Variants in VRTN observed in about 807,000 individuals in gnomAD.
VRTN encodes the protein vertebrae development associated.
Under a neutral mutation model 18.2 loss-of-function variants are expected in VRTN, and 5 were observed. The observed-to-expected ratio is 0.27, with a 90% CI of 0.14 to 0.58. The LOEUF (loss-of-function observed/expected upper bound fraction) is 0.58, where lower values mean the gene tolerates loss of function less well. Ranked by LOEUF, VRTN falls within the 20% of genes least tolerant of loss-of-function variation. The pLI is 0.91. For synonymous variants in VRTN, 381 were observed against 393.7 expected, an observed-to-expected ratio of 0.97 and a Z score of 0.38; for missense variants, 741 against 939.4, an observed-to-expected ratio of 0.79 and a Z score of 2.76.
In VRTN at chr14:74,358,204, C is replaced by A; in HGVS notation, c.1421C>A (p.Pro474His). The change falls in exon 2 of 2, where the codon CCT (proline) becomes CAT (histidine). Residue 474 changes from proline (P) to histidine (H), a missense_variant. Pro to His is a moderately conservative substitution (Grantham distance 77). Coordinates refer to ENST00000256362, the MANE Select transcript of VRTN (RefSeq NM_018228.3). The surrounding 1 kb of genome is among the most constrained non-coding windows in gnomAD (Gnocchi z 5.4). ...LASVGEGAVI[P>H]WKSEAEEGAG... ...TCTGTTGGGGAAGGGGCTGTAATTC[C>A]TTGGAAGAGTGAGGCGGAAGAGGGG... 1 of 1,613,276 alleles carries A rather than the reference C, an allele frequency of 6.2e-7. No individual in the cohort carries two copies. The highest frequency in any genetic ancestry group is 8.5e-7 in the Non-Finnish European group (1 of 1,179,612).
intron 1 of VRTN, among the ~76,000 whole-genome samples, chr14:74,320,421 G>C (rs2085446756): frequency 2.0e-5 from 3 of 146,716 alleles, no homozygotes; most frequent in Non-Finnish European, 4.5e-5. Flanking sequence ...CCGCCACCAC[G>C]CCGGCTAAAT....
At chr14:74,315,675 T>C (rs1373579075) in intron 1 of VRTN, among the ~76,000 whole-genome samples, 1 of 152,080 alleles carries the variant, frequency 6.6e-6, no homozygotes, top group African/African-American at 2.4e-5. Context: ...CAAAACAATA[T>C]TAAATATAAA....
At chr14:74,352,283 ATTC>A (rs2085691543) in intron 1 of VRTN, among the ~76,000 whole-genome samples, 2 of 151,848 alleles carry the variant, frequency 1.3e-5, no homozygotes, top group Admixed American at 1.3e-4. Flanking sequence ...GGTTCAACCA[ATTC>A]TTCTGCCTCG....
intron 1 of VRTN, among the ~76,000 whole-genome samples, chr14:74,314,344 C>T (rs534373156): frequency 6.7e-6 from 1 of 149,504 alleles, no homozygotes; most frequent in Admixed American, 6.7e-5. Context: ...TTGTATGTGA[C>T]GTGGGAGCCT....
chr14:74,307,569 A>G (rs1396110080), intron 1 of VRTN, among the ~76,000 whole-genome samples: 1 of 152,172 alleles, frequency 6.6e-6, no homozygotes, highest in African/African-American at 2.4e-5. Flanking sequence ...TATTACACCA[A>G]TACTAAACTT....
At chr14:74,313,630 C>T (rs963325983) in intron 1 of VRTN, among the ~76,000 whole-genome samples, 3 of 152,182 alleles carry the variant, frequency 2.0e-5, no homozygotes, top group African/African-American at 2.4e-5. Flanking sequence ...CCATCTTGGC[C>T]TCTTTCCACC....
Position 74,358,329 on chromosome 14 carries a change from C to T in VRTN, c.1546C>T (p.Arg516Cys), listed in dbSNP as rs1013823696. ...GCAGAGGCGTCTGCGCAGGGCTGCC[C>T]GCAGGCAGGTGCTGAGTGGGCATCT... ...RWQRRLRRAA[R>C]RQVLSGHLPF... Residue 516 changes from arginine (R) to cysteine (C), a missense_variant, in exon 2 of 2, where the codon CGC (arginine) becomes TGC (cysteine). This residue lies in a region of VRTN where 494 missense variants were observed against 546.5 expected (regional missense o/e 0.90). Coordinates refer to ENST00000256362, the MANE Select transcript of VRTN (RefSeq NM_018228.3). The surrounding 1 kb of genome is among the most constrained non-coding windows in gnomAD (Gnocchi z 5.4). The T allele has an allele frequency of 8.7e-6, 14 of 1,612,966 alleles. No individual in the cohort carries two copies. Among genetic ancestry groups the T allele is most frequent in the East Asian group, 6.7e-5 (3 of 44,886 alleles).
In VRTN at chr14:74,357,255, G is replaced by A. The variant is rs779766385; in HGVS notation, c.472G>A (p.Asp158Asn). The change falls in exon 2 of 2, where the codon GAT becomes AAT. Residue 158 changes from aspartate (D) to asparagine (N), a missense_variant. This residue lies in a region of VRTN where 186 missense variants were observed against 288.3 expected (regional missense o/e 0.65). Transcript: ENST00000256362. The surrounding 1 kb of genome is among the most constrained non-coding windows in gnomAD (Gnocchi z 7.8). ...LPPATLEAIF[D>N]ADVKASCFPS... ...CCCCGCCACGCTGGAGGCCATCTTC[G>A]ATGCCGACGTCAAGGCCTCCTGTTT... The A allele has an allele frequency of 7.4e-6, 12 of 1,613,544 alleles. No individual in the cohort carries two copies. Among genetic ancestry groups the A allele is most frequent in the Admixed American group, 5.0e-5 (3 of 60,000 alleles).
In VRTN at chr14:74,358,244, A is replaced by G. The variant is rs758930497; in HGVS notation, c.1461A>G (p.Thr487=). The change falls in exon 2 of 2, where the codon ACA becomes ACG. Residue 487 remains threonine (T), a synonymous_variant. Coordinates refer to ENST00000256362, the MANE Select transcript of VRTN (RefSeq NM_018228.3). The surrounding 1 kb of genome is among the most constrained non-coding windows in gnomAD (Gnocchi z 5.4). The part of the protein sequence containing the change: ...SEAEEGAGNA[T]GEDPPAPGEL... ...CGGAAGAGGGGGCAGGGAATGCCACAGGTGAGGACCCTCCCGCCCCCGGGG... is the reference window on the plus strand; with the variant it reads ...CGGAAGAGGGGGCAGGGAATGCCACGGGTGAGGACCCTCCCGCCCCCGGGG... The G allele has an allele frequency of 6.2e-6, 10 of 1,611,724 alleles. No homozygotes were observed. In the South Asian group the frequency reaches 8.8e-5, roughly 14 times the overall value.
rs769057148 is a variant in VRTN, at chr14:74,358,909, G to A, written c.*17G>A. On this transcript the variant is annotated 3_prime_UTR_variant, in exon 2 of 2. Transcript: ENST00000256362. This position sits in a 1 kb window ranked among gnomAD's most constrained non-coding sequence, Gnocchi z 5.4. ...GATGGCTGACAGGGAGGTACAAAAGGGGCTGGGAAGAAGGGGGACCAGTTT... is the reference window on the plus strand; with the variant it reads ...GATGGCTGACAGGGAGGTACAAAAGAGGCTGGGAAGAAGGGGGACCAGTTT... 6.3e-7 allele frequency: 1 copy of A among 1,593,934 alleles called. No individual in the cohort carries two copies. Among genetic ancestry groups the A allele is most frequent in the South Asian group, 1.1e-5 (1 of 88,040 alleles).
At chr14:74,355,567 G>A (rs1310342814) in intron 1 of VRTN, among the ~76,000 whole-genome samples, 1 of 151,750 alleles carries the variant, frequency 6.6e-6, no homozygotes, top group Non-Finnish European at 1.5e-5. Flanking sequence ...CAGAGTCTCG[G>A]TCTGTCACCC....
chr14:74,333,702 T>C (rs1236001091), intron 1 of VRTN, among the ~76,000 whole-genome samples: 1 of 151,266 alleles, frequency 6.6e-6, no homozygotes, highest in Non-Finnish European at 1.5e-5. Context: ...TAGCCAGGCA[T>C]GGTGGCGCAT....
At chr14:74,310,796 C>T (rs574185578) in intron 1 of VRTN, among the ~76,000 whole-genome samples, 84 of 152,120 alleles carry the variant, frequency 5.5e-4, no homozygotes, top group Non-Finnish European at 5.3e-4. Context: ...CCTTGGCCTC[C>T]CGAAGTGGTG....
intron 1 of VRTN, among the ~76,000 whole-genome samples, chr14:74,352,202 T>C (rs1595175246): frequency 1.3e-5 from 2 of 150,736 alleles, no homozygotes; most frequent in African/African-American, 4.9e-5. Flanking sequence ...ATTTTTGAGA[T>C]GGAGTCTCAC....
At chr14:74,352,190 TTA>T (rs2085690464) in intron 1 of VRTN, among the ~76,000 whole-genome samples, 1 of 151,396 alleles carries the variant, frequency 6.6e-6, no homozygotes, top group African/African-American at 2.4e-5. Context: ...GTTTTATTTT[TTA>T]TTTTTGAGAT....
intron 1 of VRTN, among the ~76,000 whole-genome samples, chr14:74,311,918 G>A (rs1243189575): frequency 9.9e-5 from 15 of 151,046 alleles, no homozygotes; most frequent in Admixed American, 8.6e-4. Flanking sequence ...ACAGGCATCC[G>A]CCACCATGCC....
intron 1 of VRTN, among the ~76,000 whole-genome samples, chr14:74,333,011 G>T (rs571763437): frequency 1.3e-5 from 2 of 152,174 alleles, no homozygotes; most frequent in African/African-American, 4.8e-5. Context: ...TCCCAAGCTA[G>T]ATTTCTTTGA....
At chr14:74,354,260 A>AG (rs1236825757) in intron 1 of VRTN, among the ~76,000 whole-genome samples, 1 of 152,160 alleles carries the variant, frequency 6.6e-6, no homozygotes, top group Non-Finnish European at 1.5e-5. Flanking sequence ...AGATGGAAAA[A>AG]GGAGGAGTAT....
chr14:74,338,690 G>A (rs566034579), intron 2 of VRTN, among the ~76,000 whole-genome samples: 1 of 151,844 alleles, frequency 6.6e-6, no homozygotes, highest in South Asian at 2.1e-4. Flanking sequence ...GAGTAGCTGG[G>A]ACTATAGTTG....
Sources: gnomAD v4.1 joint callset for allele counts (sites outside exome capture counted in the v4.1 genomes callset) on GRCh38, gnomAD v4.1.1 for gene constraint, gnomAD v4.1.1 regional missense constraint, Gnocchi (gnomAD v3.1) non-coding constraint, MANE v1.5 for transcripts, NCBI Gene and HGNC (gene_info 2026-07-23, HGNC 2026-07-21) for gene names.